The following RYR2 variants were observed in gnomAD, a reference collection of about 807,000 sequenced individuals.
RYR2 encodes the protein ryanodine receptor 2, also known as cardiac muscle ryanodine receptor-calcium release channel.
Under a neutral mutation model 601.1 loss-of-function variants are expected in RYR2, and 227 were observed. The ratio of observed to expected loss-of-function variants is 0.38; its 90% CI spans 0.34 to 0.42. The LOEUF is 0.42. Among genes scored for constraint, RYR2 ranks in the 10% least tolerant of loss-of-function variants. The pLI, the probability that RYR2 is intolerant of heterozygous loss-of-function variation, is 1.00. For synonymous variants in RYR2, 2,223 were observed against 2,175.1 expected (o/e 1.02, Z -0.61); for missense variants, 4,646 against 6,156.5 (o/e 0.75, Z 8.21).
intron 29 of RYR2, among the ~76,000 whole-genome samples, chr1:237,582,183 A>G (rs1049897131): frequency 6.6e-6 from 1 of 151,950 alleles, no homozygotes. Flanking sequence ...GCTCACTGCA[A>G]CCTTCACCTC....
chr1:237,726,309 G>T lies in RYR2; in HGVS notation c.10725+1G>T. The stretch of plus-strand genomic sequence containing the variant: ...TGTGGGTCGGAGACATTACTGTCTG[G>T]GAAGTACAGTGCTCAATGGCCTAGA... On this transcript the variant is annotated splice_donor_variant, in intron 75 of 104. Transcript: ENST00000366574. LOFTEE classifies it high-confidence loss of function. 6.3e-7 allele frequency: 1 copy of T among 1,580,188 alleles called. No individual in the cohort carries two copies. Among genetic ancestry groups the T allele is most frequent in the Non-Finnish European group, 8.7e-7 (1 of 1,155,254 alleles).
intron 2 of RYR2, among the ~76,000 whole-genome samples, chr1:237,318,807 C>T (rs12755424): frequency 0.064 from 9,482 of 148,178 alleles, 390 homozygotes; most frequent in Non-Finnish European, 0.099. Flanking sequence ...ATTTATCCTA[C>T]TTCAGGTTTA....
intron 75 of RYR2, 44 bp from the exon 76 acceptor site, chr1:237,727,043 G>T: frequency 1.0e-6 from 1 of 953,270 alleles, no homozygotes; most frequent in South Asian, 1.3e-5. Context: ...TGTTTTTGAA[G>T]GTAGTTTGGG....
chr1:237,385,291 C>T (rs1046721700), intron 8 of RYR2, among the ~76,000 whole-genome samples: 6 of 152,130 alleles, frequency 3.9e-5, no homozygotes, highest in African/African-American at 1.4e-4. Context: ...CATATACATA[C>T]ACAAAATACA....
chr1:237,392,629 TAATAA>T (rs1247093035), intron 10 of RYR2, among the ~76,000 whole-genome samples: 1 of 152,204 alleles, frequency 6.6e-6, no homozygotes, highest in Non-Finnish European at 1.5e-5. Flanking sequence ...TATGTGAATA[TAATAA>T]AATATCAACA....
intron 74 of RYR2, among the ~76,000 whole-genome samples, chr1:237,725,241 A>G (rs1048979633): frequency 6.6e-6 from 1 of 152,162 alleles, no homozygotes; most frequent in African/African-American, 2.4e-5. Flanking sequence ...ACTGTTAAGA[A>G]TATGGCGAGA....
chr1:237,386,158 A>G (rs1217515496), intron 8 of RYR2, among the ~76,000 whole-genome samples: 1 of 152,318 alleles, frequency 6.6e-6, no homozygotes, highest in Non-Finnish European at 1.5e-5. Context: ...GCCAAGTCTT[A>G]TGTATCAACT....
chr1:237,310,587 C>T (rs1694451993), intron 2 of RYR2, among the ~76,000 whole-genome samples: 1 of 152,134 alleles, frequency 6.6e-6, no homozygotes, highest in African/African-American at 2.4e-5. Context: ...GCCCACTTTA[C>T]CCCTTTAAAT....
At chr1:237,782,514 T>C (rs1695205513) in intron 89 of RYR2, among the ~76,000 whole-genome samples, 1 of 152,196 alleles carries the variant, frequency 6.6e-6, no homozygotes, top group African/African-American at 2.4e-5. Flanking sequence ...GAGGCAGCTG[T>C]CACGCCTCGT....
At chr1:237,204,429 CTGT>C (rs576465315) in intron 1 of RYR2, among the ~76,000 whole-genome samples, 402 of 151,302 alleles carry the variant, frequency 2.7e-3, no homozygotes, top group Non-Finnish European at 4.0e-3. Context: ...ATTGCTGATA[CTGT>C]TGTTGTTGTT....
At chr1:237,103,521 A>C (rs953294963) in intron 1 of RYR2, among the ~76,000 whole-genome samples, 4 of 152,112 alleles carry the variant, frequency 2.6e-5, no homozygotes, top group Admixed American at 1.3e-4. Context: ...GGGCCTTCTG[A>C]CCACCACCTT....
At chr1:237,400,746 C>T (rs1358653106) in intron 10 of RYR2, among the ~76,000 whole-genome samples, 1 of 152,080 alleles carries the variant, frequency 6.6e-6, no homozygotes, top group Non-Finnish European at 1.5e-5. Flanking sequence ...ACTCTCCTTT[C>T]CCCCGAAAGT....
chr1:237,756,452 C>T (rs575712110), intron 81 of RYR2, 65 bp downstream of exon 81: 563 of 1,058,426 alleles, frequency 5.3e-4, no homozygotes, highest in Non-Finnish European at 7.1e-4. Flanking sequence ...CTCTCAAGGT[C>T]CTCCCTCATT....
intron 1 of RYR2, among the ~76,000 whole-genome samples, chr1:237,206,985 A>G (rs1267033363): frequency 2.0e-5 from 3 of 152,182 alleles, no homozygotes; most frequent in Non-Finnish European, 4.4e-5. Flanking sequence ...AAATCTATTT[A>G]TTCACTTGCT....
rs1348620581 is a variant in RYR2, at chr1:237,705,279, A to C, written c.9516A>C (p.Glu3172Asp). ...FAGAFPVAFL[E>D]THLDKHNIYS... ...GTGCTTTTCCTGTAGCATTTTTGGA[A>C]ACTCATCTGGACAAACATAATATTT... Residue 3172 changes from glutamate to aspartate, a missense_variant, in exon 67 of 105, where the codon GAA (glutamate) becomes GAC (aspartate). Physicochemically the swap from Glu to Asp is conservative, Grantham distance 45. Around this residue, in one of 17 missense-constraint regions of RYR2, gnomAD observed 1,497 missense variants for 1,842.6 expected, o/e 0.81. Transcript: ENST00000366574. The C allele has an allele frequency of 1.9e-6, 3 of 1,605,704 alleles. No individual in the cohort carries two copies. In the African/African-American group the frequency reaches 4.0e-5, roughly 21 times the overall value.
chr1:237,684,125 A>G (rs1331501185), intron 62 of RYR2, among the ~76,000 whole-genome samples: 1 of 151,450 alleles, frequency 6.6e-6, no homozygotes, highest in Non-Finnish European at 1.5e-5. Context: ...TAGTAGAGAT[A>G]GGGTTTCACC....
chr1:237,069,463 C>A (rs918301720), intron 1 of RYR2, among the ~76,000 whole-genome samples: 2 of 151,912 alleles, frequency 1.3e-5, no homozygotes, highest in Non-Finnish European at 2.9e-5. Flanking sequence ...ACAGAGAGGA[C>A]TTTTGTATTG....
chr1:237,102,270 G>A (rs1053855313), intron 1 of RYR2, among the ~76,000 whole-genome samples: 1 of 152,180 alleles, frequency 6.6e-6, no homozygotes, highest in Non-Finnish European at 1.5e-5. Flanking sequence ...TGGAGTTGAG[G>A]CTTTGTTTAC....
intron 44 of RYR2, among the ~76,000 whole-genome samples, chr1:237,637,685 A>C (rs1236427614): frequency 6.6e-6 from 1 of 152,200 alleles, no homozygotes; most frequent in Admixed American, 6.5e-5. Context: ...TTTGCATCTC[A>C]TATAGATCTT....
Sources: allele counts gnomAD v4.1 joint callset (sites outside exome capture counted in the v4.1 genomes callset), GRCh38; gene constraint gnomAD v4.1.1; regional missense constraint gnomAD v4.1.1; transcripts MANE v1.5; gene names NCBI Gene and HGNC (gene_info 2026-07-23, HGNC 2026-07-21).